The following SPRYD7 variants were observed in gnomAD, a reference collection of about 807,000 sequenced individuals.
SPRYD7 encodes SPRY domain-containing protein 7.
SPRYD7 carries 14 observed loss-of-function variants against 23.8 expected under a neutral mutation model. That is an observed-to-expected ratio of 0.59 (90% confidence interval 0.39 to 0.92). The LOEUF (loss-of-function observed/expected upper bound fraction) is 0.92. SPRYD7 is among the 40% of genes least tolerant of loss of function. The probability of loss-of-function intolerance (pLI) is 0.00; values close to 1 mark genes in which losing one functional copy is unlikely to be tolerated. For missense variants in SPRYD7, 194 were observed against 241.7 expected, an observed-to-expected ratio of 0.80 and a Z score of 1.31; for synonymous variants, 75 against 84.9, an observed-to-expected ratio of 0.88 and a Z score of 0.64.
At chr13:49,934,275 T>C (rs1485665589) in intron 1 of SPRYD7, among the ~76,000 whole-genome samples, 1 of 151,990 alleles carries the variant, frequency 6.6e-6, no homozygotes, top group African/African-American at 2.4e-5. Context: ...AAAAACTTCC[T>C]GGCCGGGCGT....
intron 4 of SPRYD7, 119 bp downstream of exon 4, chr13:49,921,359 T>C (rs188861517): frequency 4.2e-4 from 278 of 659,632 alleles, no homozygotes; most frequent in African/African-American, 4.0e-3. Context: ...ATTAAACCTC[T>C]TTCCTTTATA....
At chr13:49,936,087 G>A (rs1363210307) in intron 1 of SPRYD7, 43 bp downstream of exon 1, 2 of 1,276,740 alleles carry the variant, frequency 1.6e-6, no homozygotes, top group Non-Finnish European at 2.1e-6. Flanking sequence ...CGCCGCGCCC[G>A]GCCCCCGTGA....
chr13:49,936,108 C>T (rs1479153623), intron 1 of SPRYD7, 22 bp downstream of exon 1: 1 of 1,531,888 alleles, frequency 6.5e-7, no homozygotes, highest in South Asian at 1.2e-5. Context: ...GCCGTTGGGT[C>T]TGGGGAAGGG....
chr13:49,914,168 G>A lies in SPRYD7; in HGVS notation c.*895C>T, dbSNP rs566819473. 1.3e-5 allele frequency: 2 copies of A among 153,866 alleles called. No individual in the cohort carries two copies. Among genetic ancestry groups the A allele is most frequent in the East Asian group, 1.9e-4 (1 of 5,186 alleles). The allele number at this position is 153,866 out of a possible 1,614,324, so 9.5% of individuals were successfully genotyped here. On this transcript the variant is annotated 3_prime_UTR_variant, in exon 5 of 5. Transcript: ENST00000361840. ...CTTAAGAACCAGGCAAAGACTCAGG[G>A]TCATGAAGAGGATTCACTTATCTCT...
intron 3 of SPRYD7, among the ~76,000 whole-genome samples, chr13:49,923,116 T>G (rs1955838444): frequency 6.6e-6 from 1 of 152,140 alleles, no homozygotes; most frequent in African/African-American, 2.4e-5. Flanking sequence ...AAACAAAAAC[T>G]TAATTACATA....
At chr13:49,917,068 G>A (rs561471051) in intron 4 of SPRYD7, among the ~76,000 whole-genome samples, 3 of 152,234 alleles carry the variant, frequency 2.0e-5, no homozygotes, top group Admixed American at 2.0e-4. Context: ...GCTCAGATTA[G>A]GCTAGAAGTC....
intron 3 of SPRYD7, among the ~76,000 whole-genome samples, chr13:49,926,344 T>A (rs1475167537): frequency 2.0e-5 from 3 of 152,236 alleles, no homozygotes; most frequent in Non-Finnish European, 2.9e-5. Context: ...CTGATTATCC[T>A]TTCTTATGTT....
rs1955941331 is a variant in SPRYD7, at chr13:49,931,007, A to G, written c.223+11T>C. ...TTAGGACTTTTAATAGTAAAGTACC[A>G]TTATACCAACCTGTGGACTGGATTT... On this transcript the variant is annotated intron_variant, in intron 2 of 4. Transcript: ENST00000361840. 2 of 1,556,992 alleles carry G rather than the reference A, an allele frequency of 1.3e-6. No homozygotes were observed. The highest frequency in any genetic ancestry group is 1.8e-6 in the Non-Finnish European group (2 of 1,133,224).
chr13:49,930,239 G>C (rs1955931918), intron 2 of SPRYD7, among the ~76,000 whole-genome samples: 2 of 152,068 alleles, frequency 1.3e-5, no homozygotes, highest in South Asian at 4.2e-4. Flanking sequence ...ACTTCTATCT[G>C]AATTCTGAAT....
intron 3 of SPRYD7, among the ~76,000 whole-genome samples, chr13:49,924,925 G>A (rs536421097): frequency 2.0e-5 from 3 of 149,410 alleles, no homozygotes; most frequent in Non-Finnish European, 3.0e-5. Context: ...GCAGTAAGCC[G>A]AGACTGCATC....
intron 2 of SPRYD7, among the ~76,000 whole-genome samples, chr13:49,929,753 C>T (rs1458527839): frequency 6.6e-6 from 1 of 150,804 alleles, no homozygotes; most frequent in African/African-American, 2.4e-5. Flanking sequence ...CTCGGCCTCC[C>T]AAAGTGCTGG....
At chr13:49,934,079 A>G (rs1222340629) in intron 1 of SPRYD7, among the ~76,000 whole-genome samples, 1 of 151,434 alleles carries the variant, frequency 6.6e-6, no homozygotes, top group Non-Finnish European at 1.5e-5. Context: ...CACATTTTTT[A>G]GGTTATTTAA....
rs545775893 is a variant in SPRYD7, at chr13:49,927,982, G to A, written c.327C>T (p.Tyr109=). The A allele has an allele frequency of 6.2e-6, 10 of 1,614,186 alleles. No individual in the cohort carries two copies. The South Asian group carries it at 1.1e-4, about 18-fold the overall frequency. Residue 109 remains tyrosine, a synonymous_variant, in exon 3 of 5, where the codon TAC becomes TAT. Transcript: ENST00000361840. ...SLVMRNDGAL[Y]HNNEEKNRLP... ...GCCTATTTTTCTCTTCATTGTTGTG[G>A]TAAAGGGCTCCATCATTTCTCATCA...
In SPRYD7 at chr13:49,913,523, T is replaced by A. The variant is rs1050543482; in HGVS notation, c.*1540A>T. 1 of 152,028 alleles carries A rather than the reference T, an allele frequency of 6.6e-6. No homozygotes were observed. The highest frequency in any genetic ancestry group is 2.4e-5 in the African/African-American group (1 of 41,404). 9.4% of individuals were successfully genotyped at this position (152,028 alleles called of 1,614,324 possible). ...TAAGTGCCTATGATTTTTATTTTAT[T>A]TTATTTTAATTTTTTTTGAGACAGA... On this transcript the variant is annotated 3_prime_UTR_variant, in exon 5 of 5. Transcript: ENST00000361840.
intron 1 of SPRYD7, 53 bp downstream of exon 1, chr13:49,936,077 C>A: frequency 1.4e-6 from 2 of 1,410,842 alleles, no homozygotes; most frequent in Admixed American, 2.4e-5. Context: ...TCCCCCTGCC[C>A]GCCGCGCCCG....
At chr13:49,920,178 G>A (rs1278392548) in intron 4 of SPRYD7, among the ~76,000 whole-genome samples, 2 of 152,022 alleles carry the variant, frequency 1.3e-5, no homozygotes, top group Non-Finnish European at 2.9e-5. Flanking sequence ...TTGAACCCAG[G>A]AGTTTGAGGC....
chr13:49,925,283 T>C (rs540705949), intron 3 of SPRYD7, among the ~76,000 whole-genome samples: 34 of 151,974 alleles, frequency 2.2e-4, no homozygotes, highest in African/African-American at 7.7e-4. Context: ...TCCCAGCTAC[T>C]AGAGAGGCTG....
chr13:49,912,738 C>T lies in SPRYD7; in HGVS notation c.*2325G>A, dbSNP rs1036951054. 4.6e-5 allele frequency: 7 copies of T among 152,030 alleles called. No individual in the cohort carries two copies. The highest frequency in any genetic ancestry group is 1.7e-4 in the African/African-American group (7 of 41,390). The allele number at this position is 152,030 out of a possible 1,614,324, so 9.4% of individuals were successfully genotyped here. A position where few individuals can be genotyped will look rare whatever the true frequency, so the allele number is the denominator to read the frequency against. ...AACAGTAGTCACTTTAATTTGCTTT[C>T]CCAAGTAAGCACATTCTTTACAAAT... On this transcript the variant is annotated 3_prime_UTR_variant, in exon 5 of 5. Transcript: ENST00000361840.
intron 4 of SPRYD7, among the ~76,000 whole-genome samples, chr13:49,920,280 CAAAA>C (rs1204215673): frequency 3.3e-4 from 47 of 142,096 alleles, no homozygotes; most frequent in South Asian, 8.8e-4. Flanking sequence ...CAAAACAAAA[CAAAA>C]AAACAAAAAA....
Sources: allele counts gnomAD v4.1 joint callset (sites outside exome capture counted in the v4.1 genomes callset), GRCh38; gene constraint gnomAD v4.1.1; transcripts MANE v1.5; gene names NCBI Gene and HGNC (gene_info 2026-07-23, HGNC 2026-07-21).